The following OSBPL3 variants were observed in gnomAD, a reference collection of about 807,000 sequenced individuals.
OSBPL3 encodes the protein oxysterol-binding protein-related protein 3.
Under a neutral mutation model 120.1 loss-of-function variants are expected in OSBPL3, and 65 were observed. The ratio of observed to expected loss-of-function variants is 0.54; its 90% CI spans 0.44 to 0.67. The LOEUF (loss-of-function observed/expected upper bound fraction) is 0.67, where lower values mean the gene tolerates loss of function less well. Among genes scored for constraint, OSBPL3 ranks in the 30% least tolerant of loss-of-function variants. The probability of loss-of-function intolerance (pLI) is 0.00; values close to 1 mark genes in which losing one functional copy is unlikely to be tolerated. For synonymous variants in OSBPL3, 416 were observed against 402.6 expected (o/e 1.03, Z -0.40); for missense variants, 1,004 against 1,082.1 (o/e 0.93, Z 1.01).
intron 1 of OSBPL3, among the ~76,000 whole-genome samples, chr7:24,962,392 G>T (rs1439587546): frequency 8.0e-6 from 1 of 125,632 alleles, no homozygotes; most frequent in Admixed American, 7.9e-5. Context: ...GAGGGGAGGG[G>T]GGAGGGGAGG....
intron 1 of OSBPL3, among the ~76,000 whole-genome samples, chr7:24,948,375 G>C (rs1465867952): frequency 7.3e-6 from 1 of 137,656 alleles, no homozygotes; most frequent in Non-Finnish European, 1.6e-5. Flanking sequence ...GTCAAAGCAA[G>C]CAGATTTACC....
In OSBPL3 at chr7:24,816,025, C is replaced by CT. The variant is rs1013445629; in HGVS notation, c.2027+584dup. ...AAAGCAGCATAATAAAGGAAAAACA[C>CT]TTTTTTTAAAAAAATTGAGATAGGG... On this transcript the variant is annotated intron_variant, in intron 18 of 22. Coordinates refer to ENST00000313367, the MANE Select transcript of OSBPL3 (RefSeq NM_015550.4). 1.1e-4 allele frequency among the ~76,000 whole-genome samples: 16 copies of CT among 152,234 alleles called. No individual in the cohort carries two copies. The South Asian group carries it at 1.5e-3, about 14-fold the overall frequency.
In OSBPL3 at chr7:24,953,008, A is replaced by C. The variant is rs1457608144; in HGVS notation, c.-150+26878T>G. On this transcript the variant is annotated intron_variant, in intron 1 of 22. Coordinates refer to ENST00000313367, the MANE Select transcript of OSBPL3 (RefSeq NM_015550.4). This position sits in a 1 kb window ranked among gnomAD's most constrained non-coding sequence, Gnocchi z 4.3. ...AAAAATTAGCCAGGCATGGTGGTGC[A>C]TGCTTGTAGTCCCACCTACTTGAGA... Among the ~76,000 whole-genome samples, 2 of 152,138 alleles carry C rather than the reference A, an allele frequency of 1.3e-5. No individual in the cohort carries two copies. The highest frequency in any genetic ancestry group is 3.2e-3 in the Middle Eastern group (1 of 316).
chr7:24,968,759 T>C lies in OSBPL3; in HGVS notation c.-150+11127A>G, dbSNP rs974720639. Among the ~76,000 whole-genome samples, 1 of 152,218 alleles carries C rather than the reference T, an allele frequency of 6.6e-6. No homozygotes were observed. The highest frequency in any genetic ancestry group is 1.5e-5 in the Non-Finnish European group (1 of 68,046). On this transcript the variant is annotated intron_variant, in intron 1 of 22. Transcript: ENST00000313367. The surrounding 1 kb of genome is among the most constrained non-coding windows in gnomAD (Gnocchi z 4.6). ...GAATATATGTCCATGTGTATATGCA[T>C]ACTTTCATATAAAATATATATTATA...
At chr7:24,844,774 T>A (rs139216383) in intron 12 of OSBPL3, among the ~76,000 whole-genome samples, 2 of 152,200 alleles carry the variant, frequency 1.3e-5, no homozygotes, top group African/African-American at 4.8e-5. Context: ...GAAGTCGATA[T>A]GAATGTGGAA....
chr7:24,800,229 CT>C lies in OSBPL3; in HGVS notation c.2617del (p.Arg873GlufsTer54). 1 of 1,612,664 alleles carries C rather than the reference CT, an allele frequency of 6.2e-7. No individual in the cohort carries two copies. The highest frequency in any genetic ancestry group is 8.5e-7 in the Non-Finnish European group (1 of 1,178,736). Reference sequence around the variant, plus strand: ...CAGTTTGGAAAAACCAAGATCTTTTCTAAGTTCCAAATAGGTGCCGTTGCTC... The same window carrying C: ...CAGTTTGGAAAAACCAAGATCTTTTCAAGTTCCAAATAGGTGCCGTTGCTC... ...WVSNGTYLEL[R>X]KDLGFSKLDH... On this transcript the variant is annotated frameshift_variant, in exon 23 of 23. Coordinates refer to ENST00000313367, the MANE Select transcript of OSBPL3 (RefSeq NM_015550.4). LOFTEE classifies it high-confidence loss of function.
intron 13 of OSBPL3, among the ~76,000 whole-genome samples, chr7:24,841,596 G>A (rs1797752087): frequency 6.8e-6 from 1 of 146,732 alleles, no homozygotes; most frequent in Non-Finnish European, 1.5e-5. Flanking sequence ...TTGGGAGGCT[G>A]AAGTACGAGA....
Position 24,805,904 on chromosome 7 carries a change from C to G in OSBPL3, c.2444+872G>C, listed in dbSNP as rs892310563. On this transcript the variant is annotated intron_variant, in intron 21 of 22. Transcript: ENST00000313367. This position sits in a 1 kb window ranked among gnomAD's most constrained non-coding sequence, Gnocchi z 4.0. Reference sequence around the variant, plus strand: ...ACGGACTTCTCCGTTTGTCATTTATCTTTTGACCTTATATATATAGTTTTA... The same window carrying G: ...ACGGACTTCTCCGTTTGTCATTTATGTTTTGACCTTATATATATAGTTTTA... 6.6e-6 allele frequency among the ~76,000 whole-genome samples: 1 copy of G among 152,066 alleles called. No homozygotes were observed. The highest frequency in any genetic ancestry group is 1.5e-5 in the Non-Finnish European group (1 of 68,014).
chr7:24,800,059 A>T lies in OSBPL3; in HGVS notation c.*124T>A. On this transcript the variant is annotated 3_prime_UTR_variant, in exon 23 of 23. Coordinates refer to ENST00000313367, the MANE Select transcript of OSBPL3 (RefSeq NM_015550.4). ...GGAAAATATAGACTTAAAGAGTTAC[A>T]ATGCTAAGCTAAGCACAAGTGATCA... The T allele has an allele frequency of 1.9e-6, 1 of 539,762 alleles. No individual in the cohort carries two copies. The highest frequency in any genetic ancestry group is 3.2e-5 in the Admixed American group (1 of 31,728). The allele number at this position is 539,762 out of a possible 1,614,324, so 33.4% of individuals were successfully genotyped here. A position where few individuals can be genotyped will look rare whatever the true frequency, so the allele number is the denominator to read the frequency against.
At chr7:24,814,620 T>C (rs1046894711) in intron 19 of OSBPL3, among the ~76,000 whole-genome samples, 2 of 152,182 alleles carry the variant, frequency 1.3e-5, no homozygotes, top group African/African-American at 4.8e-5. Flanking sequence ...TGAAGTTCTA[T>C]ACCCATTCAA....
rs67988881 is a variant in OSBPL3, at chr7:24,841,694, CAAAA to C, written c.1401+581_1401+584del. Among the ~76,000 whole-genome samples, 5 of 12,138 alleles carry C rather than the reference CAAAA, an allele frequency of 4.1e-4. No individual in the cohort carries two copies. The Admixed American group carries it at 5.5e-3, about 13-fold the overall frequency. The allele number at this position is 12,138 out of a possible 152,430, so 8.0% of individuals were successfully genotyped here. A position where few individuals can be genotyped will look rare whatever the true frequency, so the allele number is the denominator to read the frequency against. ...TGGCCAACAGAATGAGACTATGTCT[CAAAA>C]AAAAAAAAAAAAAAAAAAAAAAAGA... is the stretch of plus-strand genomic sequence containing the variant. On this transcript the variant is annotated intron_variant, in intron 13 of 22. Transcript: ENST00000313367.
chr7:24,832,206 CA>C (rs35738897), intron 15 of OSBPL3, among the ~76,000 whole-genome samples: 16,620 of 95,474 alleles, frequency 0.17, 1,052 homozygotes, highest in Non-Finnish European at 0.21. Flanking sequence ...GACCCTGTCT[CA>C]AAAAAAAAAA....
In OSBPL3 at chr7:24,855,630, A is replaced by G. The variant is rs1435826903; in HGVS notation, c.1028-2996T>C. 6.6e-6 allele frequency among the ~76,000 whole-genome samples: 1 copy of G among 152,124 alleles called. No individual in the cohort carries two copies. The highest frequency in any genetic ancestry group is 1.5e-5 in the Non-Finnish European group (1 of 68,022). ...AATAGTCATTCACAGCCACCTAATG[A>G]TCTGCCACACACAGGGCAATGATCA... On this transcript the variant is annotated intron_variant, in intron 10 of 22. Transcript: ENST00000313367. This position sits in a 1 kb window ranked among gnomAD's most constrained non-coding sequence, Gnocchi z 4.3.
intron 5 of OSBPL3, among the ~76,000 whole-genome samples, chr7:24,866,827 A>G (rs941385627): frequency 1.3e-5 from 2 of 152,168 alleles, no homozygotes; most frequent in Admixed American, 1.3e-4. Context: ...TTTGAGACGG[A>G]GTCTTGCCTT....
rs1191268350 is a variant in OSBPL3 at position 24,940,835 on chromosome 7, T to C, written c.-150+39051A>G. 2.9e-4 allele frequency among the ~76,000 whole-genome samples: 44 copies of C among 151,056 alleles called. 5 individuals are homozygous for C. Among genetic ancestry groups the C allele is most frequent in the South Asian group, 1.9e-3 (9 of 4,738 alleles). On this transcript the variant is annotated intron_variant, in intron 1 of 22. Transcript: ENST00000313367. This position sits in a 1 kb window ranked among gnomAD's most constrained non-coding sequence, Gnocchi z 4.4. The stretch of plus-strand genomic sequence containing the variant: ...TTTTTTTTCTTTTTTTTTTTGTGTG[T>C]GTGTGACGGAGTCTCGCTCTGTCGC...
Position 24,849,130 on chromosome 7 carries a change from T to A in OSBPL3, c.1205A>T (p.His402Leu). The change falls in exon 12 of 23, where the codon CAT becomes CTT. Residue 402 changes from histidine to leucine, a missense_variant. His to Leu is a moderately conservative substitution (Grantham distance 99). This residue lies in a region of OSBPL3 where 272 missense variants were observed against 248.8 expected (regional missense o/e 1.09). Transcript: ENST00000313367. The surrounding 1 kb of genome is among the most constrained non-coding windows in gnomAD (Gnocchi z 5.4). ...GGAGTCGAGGAGCAGAGACTCGGCA[T>A]GGATTCTGCGTAAGCGTTCTTTAAG... is the stretch of plus-strand genomic sequence containing the variant. ...TDLKERLRRIHAESLLLDSPA... is the reference protein window; with the variant it reads ...TDLKERLRRILAESLLLDSPA... 1 of 1,614,062 alleles carries A rather than the reference T, an allele frequency of 6.2e-7. No homozygotes were observed. Among genetic ancestry groups the A allele is most frequent in the South Asian group, 1.1e-5 (1 of 91,080 alleles).
In OSBPL3 at chr7:24,909,783, C is replaced by CTTT. The variant is rs10591188; in HGVS notation, c.-149-17165_-149-17163dup. ...GAAAGCTACTGTTTTTTTTTTCTTT[C>CTTT]TTTTTTTTTTTTTTTTTTTTTTTTT... is the stretch of plus-strand genomic sequence containing the variant. On this transcript the variant is annotated intron_variant, in intron 1 of 22. Transcript: ENST00000313367. 4.5e-3 allele frequency among the ~76,000 whole-genome samples: 345 copies of CTTT among 77,256 alleles called. 1 individual carries two copies. The highest frequency in any genetic ancestry group is 7.5e-3 in the East Asian group (15 of 1,994). The allele number at this position is 77,256 out of a possible 152,430, so 50.7% of individuals were successfully genotyped here.
chr7:24,842,139 T>C lies in OSBPL3; in HGVS notation c.1401+140A>G, dbSNP rs533869358. 1.1e-4 allele frequency: 93 copies of C among 833,158 alleles called. No homozygotes were observed. The African/African-American group carries it at 1.5e-3, about 13-fold the overall frequency. The allele number at this position is 833,158 out of a possible 1,614,324, so 51.6% of individuals were successfully genotyped here. On this transcript the variant is annotated intron_variant, in intron 13 of 22. Transcript: ENST00000313367. ...TTTTATACTTTTTGGGTATGAGTTA[T>C]GGGAGAACTCTCAGAACATAATGAC...
At position 24,871,548 on chromosome 7, in the gene OSBPL3, C is replaced by A. The variant is rs12670857; in HGVS notation, c.267+194G>T. On this transcript the variant is annotated intron_variant, in intron 4 of 22. Coordinates refer to ENST00000313367, the MANE Select transcript of OSBPL3 (RefSeq NM_015550.4). The surrounding 1 kb of genome is among the most constrained non-coding windows in gnomAD (Gnocchi z 4.8). ...ACTTTTGCATGCCCAGAGAGTGTTG[C>A]GGGAGCCCCTGCACCTTGACCTGGT... Among the ~76,000 whole-genome samples the A allele has an allele frequency of 1.7e-4, 26 of 152,060 alleles. No individual in the cohort carries two copies. The highest frequency in any genetic ancestry group is 6.3e-4 in the African/African-American group (26 of 41,382).
Sources: gnomAD v4.1 joint callset for allele counts (sites outside exome capture counted in the v4.1 genomes callset) on GRCh38, gnomAD v4.1.1 for gene constraint, gnomAD v4.1.1 regional missense constraint, Gnocchi (gnomAD v3.1) non-coding constraint, MANE v1.5 for transcripts, NCBI Gene and HGNC (gene_info 2026-07-23, HGNC 2026-07-21) for gene names.